Variants in CLSTN2 observed in about 807,000 individuals in gnomAD.
CLSTN2 encodes the protein calsyntenin 2, also known as calsyntenin-2.
Under a neutral mutation model 101.2 loss-of-function variants are expected in CLSTN2, and 48 were observed. The observed-to-expected ratio is 0.47, with a 90% CI of 0.38 to 0.60. The LOEUF (loss-of-function observed/expected upper bound fraction) is 0.60, where lower values mean the gene tolerates loss of function less well. Among genes scored for constraint, CLSTN2 ranks in the 20% least tolerant of loss-of-function variants. The pLI is 0.00. For synonymous variants in CLSTN2, 481 were observed against 463.6 expected (o/e 1.04, Z -0.48); for missense variants, 1,160 against 1,238.2 (o/e 0.94, Z 0.95).
At chr3:140,017,176 C>G (rs1460102857) in intron 1 of CLSTN2, among the ~76,000 whole-genome samples, 1 of 152,188 alleles carries the variant, frequency 6.6e-6, no homozygotes, top group African/African-American at 2.4e-5. Flanking sequence ...TATTAGTGTG[C>G]TCTCAGCTGA....
At position 139,935,234 on chromosome 3, in the gene CLSTN2, G is replaced by A; in HGVS notation, c.-141G>A. On this transcript the variant is annotated 5_prime_UTR_variant, in exon 1 of 17. Transcript: ENST00000458420. The surrounding 1 kb of genome is among the most constrained non-coding windows in gnomAD (Gnocchi z 5.5). ...GCTAGCGGCGCAGCGGCGGGAACCC[G>A]AGGCCGAGCGCCGCGGCGGCAGCGC... The A allele has an allele frequency of 2.6e-6, 1 of 380,576 alleles. No homozygotes were observed. The highest frequency in any genetic ancestry group is 4.5e-6 in the Non-Finnish European group (1 of 224,030). The allele number at this position is 380,576 out of a possible 1,614,324, so 23.6% of individuals were successfully genotyped here.
intron 1 of CLSTN2, among the ~76,000 whole-genome samples, chr3:140,050,812 C>T (rs1287437837): frequency 2.6e-5 from 4 of 152,154 alleles, no homozygotes; most frequent in Admixed American, 1.3e-4. Flanking sequence ...ATAGCAAGTT[C>T]ACATGCTTTT....
At chr3:140,355,638 T>C (rs561893499) in intron 2 of CLSTN2, among the ~76,000 whole-genome samples, 1 of 152,240 alleles carries the variant, frequency 6.6e-6, no homozygotes, top group African/African-American at 2.4e-5. Context: ...GCAGCATGGG[T>C]CAGAAAATTT....
chr3:140,184,894 G>T (rs1451218152), intron 2 of CLSTN2, among the ~76,000 whole-genome samples: 1 of 152,046 alleles, frequency 6.6e-6, no homozygotes, highest in South Asian at 2.1e-4. Context: ...TTTTCTTCCC[G>T]CACATATACA....
chr3:140,489,375 A>G (rs1329502063), intron 8 of CLSTN2, among the ~76,000 whole-genome samples: 1 of 152,220 alleles, frequency 6.6e-6, no homozygotes, highest in Non-Finnish European at 1.5e-5. Context: ...AGTGGAAGAA[A>G]CAGCATGTGT....
At chr3:139,955,857 G>A (rs1437731373) in intron 1 of CLSTN2, among the ~76,000 whole-genome samples, 1 of 152,222 alleles carries the variant, frequency 6.6e-6, no homozygotes, top group Non-Finnish European at 1.5e-5. Context: ...CATGCATGGA[G>A]GGAGCTCTGG....
At chr3:140,470,222 G>A (rs1933807461) in intron 8 of CLSTN2, among the ~76,000 whole-genome samples, 1 of 152,234 alleles carries the variant, frequency 6.6e-6, no homozygotes, top group Non-Finnish European at 1.5e-5. Context: ...GGGTACCTGG[G>A]ATTAGTAGCT....
intron 9 of CLSTN2, among the ~76,000 whole-genome samples, chr3:140,537,679 C>G (rs989380236): frequency 6.6e-6 from 1 of 152,318 alleles, no homozygotes; most frequent in African/African-American, 2.4e-5. Context: ...TTATTTCTCT[C>G]TGGGTCACAA....
Position 140,563,940 on chromosome 3 carries a change from C to T in CLSTN2, c.2483-21C>T, listed in dbSNP as rs187189240. 4.7e-5 allele frequency: 76 copies of T among 1,610,716 alleles called. No individual in the cohort carries two copies. The East Asian group carries it at 7.1e-4, about 15-fold the overall frequency. On this transcript the variant is annotated intron_variant, in intron 15 of 16. Transcript: ENST00000458420. ...CTAGGCCTTTGTTCACCATGTCATGCGAGTTTTTTCCTTGTTCCAGTGGTC... is the reference window on the plus strand; with the variant it reads ...CTAGGCCTTTGTTCACCATGTCATGTGAGTTTTTTCCTTGTTCCAGTGGTC...
At chr3:140,351,213 A>G (rs1423522917) in intron 2 of CLSTN2, among the ~76,000 whole-genome samples, 1 of 152,202 alleles carries the variant, frequency 6.6e-6, no homozygotes, top group Non-Finnish European at 1.5e-5. Flanking sequence ...AGAGAGAAAG[A>G]AAGAGAGGGT....
intron 2 of CLSTN2, among the ~76,000 whole-genome samples, chr3:140,352,767 T>G (rs1164690537): frequency 6.6e-6 from 1 of 152,102 alleles, no homozygotes; most frequent in Non-Finnish European, 1.5e-5. Context: ...TGTTGGGGCC[T>G]GTTATCTTCT....
chr3:140,188,459 T>C (rs2010513094), intron 2 of CLSTN2, among the ~76,000 whole-genome samples: 2 of 152,190 alleles, frequency 1.3e-5, no homozygotes, highest in South Asian at 2.1e-4. Context: ...ATGCTTACAT[T>C]GCACCTTGCA....
At chr3:140,510,186 T>A (rs1467864368) in intron 8 of CLSTN2, among the ~76,000 whole-genome samples, 1 of 152,214 alleles carries the variant, frequency 6.6e-6, no homozygotes, top group Non-Finnish European at 1.5e-5. Context: ...CTCTACTGAA[T>A]ACGTATTGTT....
intron 4 of CLSTN2, among the ~76,000 whole-genome samples, chr3:140,410,573 T>C (rs2088352233): frequency 6.6e-6 from 1 of 152,098 alleles, no homozygotes; most frequent in Non-Finnish European, 1.5e-5. Context: ...TTTTTCAAGC[T>C]GAAACAAAAG....
intron 1 of CLSTN2, among the ~76,000 whole-genome samples, chr3:139,978,244 C>G (rs1331013567): frequency 6.6e-6 from 1 of 152,200 alleles, no homozygotes; most frequent in Non-Finnish European, 1.5e-5. Context: ...TTTCCCAACC[C>G]TGTTGGTGTT....
intron 1 of CLSTN2, among the ~76,000 whole-genome samples, chr3:140,054,643 C>T (rs1281018598): frequency 6.6e-6 from 1 of 152,134 alleles, no homozygotes; most frequent in African/African-American, 2.4e-5. Context: ...AGATCTTCAC[C>T]TTTTGACTAA....
intron 2 of CLSTN2, among the ~76,000 whole-genome samples, chr3:140,254,619 C>T (rs1447766873): frequency 6.6e-6 from 1 of 152,046 alleles, no homozygotes; most frequent in East Asian, 1.9e-4. Context: ...AAAATTTAGG[C>T]ATACAGATGC....
intron 1 of CLSTN2, among the ~76,000 whole-genome samples, chr3:140,154,072 T>C (rs1665902119): frequency 6.6e-6 from 1 of 152,208 alleles, no homozygotes; most frequent in Non-Finnish European, 1.5e-5. Context: ...CAAGGATAGA[T>C]GACAAAATAG....
At chr3:140,473,752 T>TTTTG (rs1553746651) in intron 8 of CLSTN2, among the ~76,000 whole-genome samples, 1 of 151,102 alleles carries the variant, frequency 6.6e-6, no homozygotes, top group Non-Finnish European at 1.5e-5. Flanking sequence ...GTGTTTTTTT[T>TTTTG]TTGTTGTTGT....
Sources: allele counts gnomAD v4.1 joint callset (sites outside exome capture counted in the v4.1 genomes callset), GRCh38; gene constraint gnomAD v4.1.1; non-coding constraint Gnocchi (gnomAD v3.1); transcripts MANE v1.5; gene names NCBI Gene and HGNC (gene_info 2026-07-23, HGNC 2026-07-21).